The following SOX5 variants were observed in gnomAD, a reference collection of about 807,000 sequenced individuals.
SOX5 encodes the protein SRY-box transcription factor 5.
A neutral mutation model predicts 92.0 loss-of-function variants in SOX5; 9 were observed. The ratio of observed to expected loss-of-function variants is 0.10; its 90% CI spans 0.06 to 0.17. The LOEUF is 0.17. Ranked by LOEUF, SOX5 falls within the 10% of genes least tolerant of loss-of-function variation. The pLI, the probability that SOX5 is intolerant of heterozygous loss-of-function variation, is 1.00. For missense variants in SOX5, 642 were observed against 944.5 expected (o/e 0.68, Z 4.20); for synonymous variants, 344 against 336.3 (o/e 1.02, Z -0.25).
In SOX5 at chr12:24,510,905, T is replaced by A. The variant is rs533210031; in HGVS notation, c.-251+51424A>T. 8.2e-4 allele frequency among the ~76,000 whole-genome samples: 125 copies of A among 152,288 alleles called. 2 individuals carry two copies. The highest frequency in any genetic ancestry group is 2.6e-3 in the African/African-American group (108 of 41,548). On this transcript the variant is annotated intron_variant, in intron 1 of 4. Transcript: ENST00000446891. ...AAGTATTCTTGGCTGAAAGGGGGAA[T>A]GGAGGAAGAGAAGCCAAGGGAATCT...
At chr12:24,295,645 C>T (rs751205218) in intron 2 of SOX5, among the ~76,000 whole-genome samples, 4 of 152,234 alleles carry the variant, frequency 2.6e-5, no homozygotes, top group Admixed American at 6.5e-5. Context: ...CTCACTGCAA[C>T]TTCTGCCTCC....
intron 4 of SOX5, among the ~76,000 whole-genome samples, chr12:23,753,500 G>T (rs1204170046): frequency 6.6e-6 from 1 of 151,512 alleles, no homozygotes; most frequent in African/African-American, 2.4e-5. Flanking sequence ...CATATGCAAA[G>T]GTTCTATTTA....
chr12:24,084,753 G>A (rs1181606424), intron 4 of SOX5, among the ~76,000 whole-genome samples: 1 of 151,970 alleles, frequency 6.6e-6, no homozygotes, highest in African/African-American at 2.4e-5. Flanking sequence ...GAACTCCAGT[G>A]TAAACCCAAA....
At chr12:23,596,400 CTT>C (rs1446952288) in intron 9 of SOX5, among the ~76,000 whole-genome samples, 1 of 152,146 alleles carries the variant, frequency 6.6e-6, no homozygotes, top group Non-Finnish European at 1.5e-5. Context: ...CAAATTTATA[CTT>C]TGAGGCATCT....
chr12:24,387,588 T>G (rs1423483821), intron 1 of SOX5, among the ~76,000 whole-genome samples: 2 of 152,092 alleles, frequency 1.3e-5, no homozygotes, highest in African/African-American at 4.8e-5. Flanking sequence ...GAGTGAGTCT[T>G]GGTGAAACAT....
chr12:24,194,062 G>A (rs1956776214), intron 4 of SOX5, among the ~76,000 whole-genome samples: 1 of 152,256 alleles, frequency 6.6e-6, no homozygotes, highest in South Asian at 2.1e-4. Context: ...AAGTGGCAGA[G>A]CTTAGCTTCC....
At chr12:23,570,931 ATATATATATATATATATATAT>A (rs1378667840) in intron 10 of SOX5, among the ~76,000 whole-genome samples, 2,156 of 16,800 alleles carry the variant, frequency 0.13, 445 homozygotes, top group Middle Eastern at 0.29. Flanking sequence ...AAAAAAAAAA[ATATATATATATATATATATAT>A]ATATATATAT....
intron 4 of SOX5, among the ~76,000 whole-genome samples, chr12:23,998,390 G>A (rs920397979): frequency 6.6e-6 from 1 of 152,058 alleles, no homozygotes; most frequent in Non-Finnish European, 1.5e-5. Context: ...TTTATCTTAA[G>A]AAGGTTAGAA....
intron 3 of SOX5, among the ~76,000 whole-genome samples, chr12:24,244,381 C>T (rs1397791745): frequency 6.6e-6 from 1 of 152,174 alleles, no homozygotes; most frequent in Non-Finnish European, 1.5e-5. Context: ...TTTATAATCC[C>T]ACTGGTCTTC....
At chr12:24,063,606 C>T (rs927601101) in intron 4 of SOX5, among the ~76,000 whole-genome samples, 8 of 152,082 alleles carry the variant, frequency 5.3e-5, no homozygotes, top group African/African-American at 1.7e-4. Flanking sequence ...TTAAGGATGG[C>T]GAATGATTTC....
At chr12:23,766,558 T>C (rs948142935) in intron 3 of SOX5, among the ~76,000 whole-genome samples, 1 of 152,160 alleles carries the variant, frequency 6.6e-6, no homozygotes, top group Non-Finnish European at 1.5e-5. Context: ...TATTAAAATA[T>C]GGATAAAAGC....
intron 4 of SOX5, among the ~76,000 whole-genome samples, chr12:24,155,400 C>A (rs1952061042): frequency 6.6e-6 from 1 of 152,160 alleles, no homozygotes; most frequent in South Asian, 2.1e-4. Context: ...TCTTCATTAT[C>A]AAACTTCTTA....
intron 7 of SOX5, among the ~76,000 whole-genome samples, chr12:23,645,900 AAAGC>A (rs770604505): frequency 2.6e-5 from 4 of 152,230 alleles, no homozygotes; most frequent in African/African-American, 9.6e-5. Context: ...GTAGCACAAT[AAAGC>A]AAGTTATGCA....
At chr12:24,515,501 A>G (rs1423538680) in intron 1 of SOX5, among the ~76,000 whole-genome samples, 7 of 152,196 alleles carry the variant, frequency 4.6e-5, no homozygotes, top group African/African-American at 1.7e-4. Flanking sequence ...AGGCAATTCT[A>G]CCATAGCGTT....
At chr12:23,639,328 C>T (rs16926498) in intron 8 of SOX5, among the ~76,000 whole-genome samples, 2,372 of 152,270 alleles carry the variant, frequency 0.016, 54 homozygotes, top group African/African-American at 0.054. Context: ...CGAAGAGAGT[C>T]GTGCAATGAA....
intron 4 of SOX5, among the ~76,000 whole-genome samples, chr12:24,169,508 C>T (rs1953818124): frequency 6.6e-6 from 1 of 152,206 alleles, no homozygotes; most frequent in South Asian, 2.1e-4. Context: ...CTATCCACAA[C>T]TGTTTTACTC....
chr12:23,534,496 G>A lies in SOX5; in HGVS notation c.2015C>T (p.Thr672Ile). 1.2e-6 allele frequency: 2 copies of A among 1,613,326 alleles called. No individual in the cohort carries two copies. Among genetic ancestry groups the A allele is most frequent in the Non-Finnish European group, 1.7e-6 (2 of 1,179,768 alleles). ...GGCTCCAGGGTACACAACACCAGCA[G>A]TGGCAATGGGGATCTGTGCTTGTTG... is the stretch of plus-strand genomic sequence containing the variant. ...VGQQAQIPIATAGVVYPGAIA... is the reference protein window; with the variant it reads ...VGQQAQIPIAIAGVVYPGAIA... Residue 672 changes from threonine to isoleucine, a missense_variant, in exon 15 of 15, where the codon ACT becomes ATT. Thr to Ile is a moderately conservative substitution (Grantham distance 89, BLOSUM62 -1). Around this residue, in one of 8 missense-constraint regions of SOX5, gnomAD observed 130 missense variants for 140.6 expected, o/e 0.92. Transcript: ENST00000451604.
intron 4 of SOX5, among the ~76,000 whole-genome samples, chr12:24,185,393 A>G (rs1216165466): frequency 1.3e-5 from 2 of 152,154 alleles, no homozygotes; most frequent in African/African-American, 4.8e-5. Context: ...CAAGCTATTT[A>G]AAATCTATTA....
intron 6 of SOX5, among the ~76,000 whole-genome samples, chr12:23,675,402 C>T (rs762380735): frequency 2.3e-4 from 35 of 152,204 alleles, no homozygotes; most frequent in Non-Finnish European, 4.9e-4. Flanking sequence ...CCCAAGCCTA[C>T]AAGGTCAACT....
Sources: gnomAD v4.1 joint callset for allele counts (sites outside exome capture counted in the v4.1 genomes callset) on GRCh38, gnomAD v4.1.1 for gene constraint, gnomAD v4.1.1 regional missense constraint, MANE v1.5 for transcripts, NCBI Gene and HGNC (gene_info 2026-07-23, HGNC 2026-07-21) for gene names.